The following SYNE2 variants were observed in gnomAD, a reference collection of about 807,000 sequenced individuals.
The protein encoded by SYNE2 is nesprin-2.
SYNE2 carries 431 observed loss-of-function variants against 856.3 expected under a neutral mutation model. The ratio of observed to expected loss-of-function variants is 0.50; its 90% confidence interval spans 0.47 to 0.55. The LOEUF is 0.55. Among genes scored for constraint, SYNE2 ranks in the 20% least tolerant of loss-of-function variants. The pLI is 0.00. For synonymous variants in SYNE2, 2,923 were observed against 2,872.3 expected (o/e 1.02, Z -0.56); for missense variants, 8,129 against 8,023.2 (o/e 1.01, Z -0.50).
chr14:64,034,434 G>A (rs563075939), intron 45 of SYNE2: 1 of 447,992 alleles, frequency 2.2e-6, no homozygotes, highest in Admixed American at 3.8e-5. Context: ...GACCCCAGAA[G>A]AATTTTTAGA....
chr14:64,038,367 C>T (rs1401185628), intron 45 of SYNE2, among the ~76,000 whole-genome samples: 1 of 151,820 alleles, frequency 6.6e-6, no homozygotes, highest in Non-Finnish European at 1.5e-5. Context: ...ACTGGGCAGC[C>T]AGGCAGAGGG....
At chr14:64,183,442 A>G (rs374384896) in intron 96 of SYNE2, among the ~76,000 whole-genome samples, 6 of 145,674 alleles carry the variant, frequency 4.1e-5, no homozygotes, top group African/African-American at 1.3e-4. Context: ...CTGGGCAGCC[A>G]GGCAGAGGGG....
At chr14:64,072,068 A>T (rs577831329) in intron 52 of SYNE2, among the ~76,000 whole-genome samples, 4 of 152,330 alleles carry the variant, frequency 2.6e-5, no homozygotes, top group South Asian at 4.1e-4. Context: ...ATATGCCATA[A>T]TGTGTTAAAC....
intron 43 of SYNE2, 103 bp downstream of exon 43, chr14:64,027,896 T>G: frequency 1.2e-6 from 1 of 866,734 alleles, no homozygotes; most frequent in Non-Finnish European, 1.8e-6. Flanking sequence ...TTGTTTTGTT[T>G]TATTTTATTT....
intron 6 of SYNE2, 100 bp downstream of exon 6, chr14:63,942,243 C>T (rs2095928857): frequency 1.3e-6 from 1 of 776,172 alleles, no homozygotes; most frequent in South Asian, 1.4e-5. Context: ...TCCTGAGCTT[C>T]TCCTATAAAT....
intron 63 of SYNE2, among the ~76,000 whole-genome samples, chr14:64,101,433 T>G (rs2097728462): frequency 6.6e-6 from 1 of 152,332 alleles, no homozygotes; most frequent in Non-Finnish European, 1.5e-5. Flanking sequence ...AGCATTTTAA[T>G]TTTTCTAACT....
chr14:63,912,049 G>T (rs1256223715), intron 2 of SYNE2, among the ~76,000 whole-genome samples: 1 of 152,198 alleles, frequency 6.6e-6, no homozygotes, highest in Non-Finnish European at 1.5e-5. Flanking sequence ...GGGACTGGTA[G>T]AAAGCCAATA....
chr14:64,164,712 A>G (rs1210913196), intron 89 of SYNE2, among the ~76,000 whole-genome samples: 2 of 152,166 alleles, frequency 1.3e-5, no homozygotes, highest in African/African-American at 4.8e-5. Flanking sequence ...CTGACTCTCT[A>G]TGTGGTCTCC....
chr14:63,980,897 C>G, intron 15 of SYNE2, 89 bp from the exon 16 acceptor site: 1 of 1,095,746 alleles, frequency 9.1e-7, no homozygotes, highest in South Asian at 1.5e-5. Flanking sequence ...TATTATTTTG[C>G]CGCTGTCAAT....
chr14:64,020,078 A>G lies in SYNE2; in HGVS notation c.5136A>G (p.Ile1712Met), dbSNP rs1436925736. The stretch of plus-strand genomic sequence containing the variant: ...AGTTTTTGCTCCAAAGCAGTGAAAT[A>G]CCTCTTGAATTGCAGGTAAGAATTT... ...EIQFLLQSSE[I>M]PLELQVMESS... is the part of the protein sequence containing the mutation. Residue 1712 changes from isoleucine to methionine, a missense_variant, in exon 35 of 116, where the codon ATA (isoleucine) becomes ATG (methionine). By Grantham distance (10) the Ile-to-Met change is conservative. This residue lies in a region of SYNE2 where 2,422 missense variants were observed against 2,357.4 expected (regional missense o/e 1.03). Coordinates refer to ENST00000555002, the MANE Select transcript of SYNE2 (RefSeq NM_182914.3). 1 of 1,612,688 alleles carries G rather than the reference A, an allele frequency of 6.2e-7. No individual in the cohort carries two copies. The highest frequency in any genetic ancestry group is 8.5e-7 in the Non-Finnish European group (1 of 1,178,758).
chr14:63,767,520 AT>A (rs1342969077), intron 1 of SYNE2, among the ~76,000 whole-genome samples: 1 of 152,212 alleles, frequency 6.6e-6, no homozygotes, highest in African/African-American at 2.4e-5. Context: ...AGAATTTCAT[AT>A]AAAAATCGAA....
At chr14:64,013,529 G>A (rs188019708) in intron 32 of SYNE2, among the ~76,000 whole-genome samples, 11 of 152,062 alleles carry the variant, frequency 7.2e-5, no homozygotes, top group East Asian at 5.8e-4. Flanking sequence ...CACTCCATGC[G>A]TCCGTGTGCC....
At chr14:63,894,437 G>T (rs1256714731) in intron 1 of SYNE2, among the ~76,000 whole-genome samples, 1 of 152,096 alleles carries the variant, frequency 6.6e-6, no homozygotes, top group Non-Finnish European at 1.5e-5. Flanking sequence ...GCCCAGGCTG[G>T]TCTTGAACTC....
chr14:63,957,112 C>T (rs1009798201), intron 8 of SYNE2, among the ~76,000 whole-genome samples: 3 of 151,372 alleles, frequency 2.0e-5, no homozygotes, highest in African/African-American at 7.3e-5. Context: ...ATCAATACTT[C>T]ATTCCTTTTT....
chr14:64,171,689 C>T (rs975074348), intron 94 of SYNE2, among the ~76,000 whole-genome samples: 7 of 152,230 alleles, frequency 4.6e-5, no homozygotes, highest in Middle Eastern at 3.4e-3. Flanking sequence ...GTGTGACTGG[C>T]GCAGAGCTGG....
chr14:64,061,007 T>C (rs118073595), intron 49 of SYNE2, among the ~76,000 whole-genome samples: 4,511 of 152,278 alleles, frequency 0.03, 101 homozygotes, highest in Admixed American at 0.065. Context: ...GGGGGATGGG[T>C]GAGGAGTGGC....
At position 64,223,177 on chromosome 14, in the gene SYNE2, A is replaced by T. The variant is rs753024790; in HGVS notation, c.20191-12A>T. ...GACAGGTCACTGTTTCACACACTTT[A>T]TCTGTTTTCAGCAACTGGAAAAGGA... On this transcript the variant is annotated splice_polypyrimidine_tract_variant and intron_variant, in intron 112 of 115. Transcript: ENST00000555002. 1.9e-6 allele frequency: 3 copies of T among 1,613,188 alleles called. No individual in the cohort carries two copies. The highest frequency in any genetic ancestry group is 2.5e-6 in the Non-Finnish European group (3 of 1,179,620).
Position 64,167,539 on chromosome 14 carries a change from G to C in SYNE2, c.16805G>C (p.Cys5602Ser). 1 of 1,614,230 alleles carries C rather than the reference G, an allele frequency of 6.2e-7. No homozygotes were observed. Among genetic ancestry groups the C allele is most frequent in the Non-Finnish European group, 8.5e-7 (1 of 1,180,040 alleles). The change falls in exon 92 of 116, where the codon TGT becomes TCT. Residue 5602 changes from cysteine (C) to serine (S), a missense_variant. Cys to Ser is a moderately radical substitution (Grantham distance 112). Transcript: ENST00000555002. ...IGLNEKFLYC[C>S]EKWIQLLEKI... ...TTGAATGAAAAGTTTCTTTATTGCT[G>C]TGAAAAGTGGATCCAACTTTTGGAG... is the stretch of plus-strand genomic sequence containing the variant.
chr14:63,785,692 A>G (rs1294048819), intron 1 of SYNE2, among the ~76,000 whole-genome samples: 1 of 152,222 alleles, frequency 6.6e-6, no homozygotes, highest in African/African-American at 2.4e-5. Flanking sequence ...CTATCTTTTG[A>G]TATGTGGCTA....
Sources: gnomAD v4.1 joint callset for allele counts (sites outside exome capture counted in the v4.1 genomes callset) on GRCh38, gnomAD v4.1.1 for gene constraint, gnomAD v4.1.1 regional missense constraint, MANE v1.5 for transcripts, NCBI Gene and HGNC (gene_info 2026-07-23, HGNC 2026-07-21) for gene names.